Variants in MGAT4C observed in about 807,000 individuals in gnomAD.
MGAT4C encodes the protein alpha-1,3-mannosyl-glycoprotein 4-beta-N-acetylglucosaminyltransferase C.
MGAT4C carries 19 observed loss-of-function variants against 40.1 expected under a neutral mutation model. The ratio of observed to expected loss-of-function variants is 0.47; its 90% CI spans 0.33 to 0.70. The LOEUF (loss-of-function observed/expected upper bound fraction) is 0.70. Among genes scored for constraint, MGAT4C ranks in the 30% least tolerant of loss-of-function variants. The pLI is 0.02. For missense variants in MGAT4C, 491 were observed against 563.2 expected (o/e 0.87, Z 1.30); for synonymous variants, 181 against 187.1 (o/e 0.97, Z 0.27).
intron 4 of MGAT4C, among the ~76,000 whole-genome samples, chr12:86,312,767 A>T (rs1435052072): frequency 8.5e-5 from 13 of 152,130 alleles, no homozygotes; most frequent in Admixed American, 8.5e-4. Flanking sequence ...TTTTAGCTGA[A>T]ATGATTAGAA....
At chr12:86,008,315 C>T (rs997136115) in intron 2 of MGAT4C, among the ~76,000 whole-genome samples, 3 of 151,960 alleles carry the variant, frequency 2.0e-5, no homozygotes, top group African/African-American at 4.8e-5. Flanking sequence ...TTATTCAGGT[C>T]ATCTTTAATT....
At chr12:86,341,356 T>C (rs999212462) in intron 3 of MGAT4C, among the ~76,000 whole-genome samples, 6 of 152,004 alleles carry the variant, frequency 3.9e-5, no homozygotes, top group Admixed American at 3.9e-4. Context: ...CTACATGGAG[T>C]CTCAGCAGAG....
chr12:86,319,965 G>A (rs1489963103), intron 4 of MGAT4C, among the ~76,000 whole-genome samples: 1 of 152,106 alleles, frequency 6.6e-6, no homozygotes, highest in African/African-American at 2.4e-5. Context: ...TGTACTGAGT[G>A]AATTTAGTTT....
intron 1 of MGAT4C, among the ~76,000 whole-genome samples, chr12:86,228,996 G>T (rs1951208968): frequency 6.6e-6 from 1 of 151,692 alleles, no homozygotes; most frequent in Non-Finnish European, 1.5e-5. Flanking sequence ...GTGCAGATTT[G>T]GAAAGAGAAA....
chr12:86,732,990 G>T (rs957710025), intron 1 of MGAT4C, among the ~76,000 whole-genome samples: 14 of 152,156 alleles, frequency 9.2e-5, no homozygotes, highest in Middle Eastern at 3.4e-3. Context: ...GCAGAGATGT[G>T]AACTCTTTTT....
At chr12:86,038,697 G>A (rs1362520890) in intron 2 of MGAT4C, among the ~76,000 whole-genome samples, 1 of 149,652 alleles carries the variant, frequency 6.7e-6, no homozygotes, top group African/African-American at 2.4e-5. Context: ...AATTTGCAAG[G>A]CTTTATCTTT....
intron 2 of MGAT4C, among the ~76,000 whole-genome samples, chr12:86,713,582 A>C (rs991435972): frequency 3.3e-5 from 5 of 152,114 alleles, no homozygotes; most frequent in Non-Finnish European, 7.4e-5. Flanking sequence ...AGTTTCATGA[A>C]AATATTGAGT....
At chr12:86,248,547 G>A (rs958407125) in intron 1 of MGAT4C, among the ~76,000 whole-genome samples, 34 of 152,124 alleles carry the variant, frequency 2.2e-4, no homozygotes, top group Admixed American at 2.2e-3. Context: ...AATGCTCTGA[G>A]AGTTAATATT....
chr12:86,706,207 C>T (rs1243144550), intron 2 of MGAT4C, among the ~76,000 whole-genome samples: 1 of 151,914 alleles, frequency 6.6e-6, no homozygotes, highest in African/African-American at 2.4e-5. Context: ...TAAGGAGAAA[C>T]CTACATTTTT....
chr12:86,004,379 C>CA (rs1452806247), intron 2 of MGAT4C, among the ~76,000 whole-genome samples: 1 of 152,010 alleles, frequency 6.6e-6, no homozygotes. Context: ...TTGTATGCCT[C>CA]AAAAATAGCC....
At chr12:86,482,048 T>C (rs989407430) in intron 2 of MGAT4C, among the ~76,000 whole-genome samples, 2 of 146,068 alleles carry the variant, frequency 1.4e-5, no homozygotes, top group Non-Finnish European at 3.0e-5. Flanking sequence ...TTCTTATTTG[T>C]ATTTTCTAAA....
intron 3 of MGAT4C, among the ~76,000 whole-genome samples, chr12:86,427,975 G>A (rs1226594081): frequency 3.3e-5 from 5 of 151,856 alleles, no homozygotes; most frequent in East Asian, 1.9e-4. Flanking sequence ...AGCTGAGATC[G>A]TGTCCCTGCA....
At chr12:86,497,916 ACGC>A (rs1958269707) in intron 2 of MGAT4C, among the ~76,000 whole-genome samples, 1 of 134,460 alleles carries the variant, frequency 7.4e-6, no homozygotes, top group Non-Finnish European at 1.6e-5. Flanking sequence ...ATATATATAT[ACGC>A]ACACACACAT....
intron 3 of MGAT4C, among the ~76,000 whole-genome samples, chr12:86,337,606 A>AT: frequency 6.6e-6 from 1 of 151,096 alleles, no homozygotes; most frequent in African/African-American, 2.4e-5. Context: ...AAAAAAAAAA[A>AT]GTTGGGAAGT....
chr12:86,117,222 A>G (rs146915192), intron 1 of MGAT4C, among the ~76,000 whole-genome samples: 167 of 152,302 alleles, frequency 1.1e-3, no homozygotes, highest in African/African-American at 3.7e-3. Context: ...AAATAATAGC[A>G]TGGGCTAAAG....
At chr12:86,172,892 T>A (rs1390885302) in intron 1 of MGAT4C, among the ~76,000 whole-genome samples, 2 of 152,144 alleles carry the variant, frequency 1.3e-5, no homozygotes, top group Admixed American at 6.6e-5. Context: ...AATGATTAAC[T>A]TTATTAAAGT....
chr12:86,475,211 T>C (rs990606626), intron 2 of MGAT4C, among the ~76,000 whole-genome samples: 1 of 151,916 alleles, frequency 6.6e-6, no homozygotes, highest in African/African-American at 2.4e-5. Flanking sequence ...AGGAAACTAA[T>C]CACTAACTCA....
intron 1 of MGAT4C, among the ~76,000 whole-genome samples, chr12:86,194,881 C>T (rs1370078502): frequency 3.3e-5 from 5 of 152,162 alleles, no homozygotes; most frequent in Admixed American, 6.5e-5. Context: ...AAGTGTTTAC[C>T]GAAGCCCATC....
intron 2 of MGAT4C, among the ~76,000 whole-genome samples, chr12:86,657,252 G>A (rs946768084): frequency 6.6e-6 from 1 of 151,914 alleles, no homozygotes; most frequent in East Asian, 1.9e-4. Flanking sequence ...AGCTTTGAGT[G>A]AAAACAATGT....
Sources: gnomAD v4.1 joint callset for allele counts (sites outside exome capture counted in the v4.1 genomes callset) on GRCh38, gnomAD v4.1.1 for gene constraint, MANE v1.5 for transcripts, NCBI Gene and HGNC (gene_info 2026-07-23, HGNC 2026-07-21) for gene names.